SPAG6: variants seen among roughly 807,000 people sequenced by gnomAD.
The protein encoded by SPAG6 is sperm-associated antigen 6.
SPAG6 carries 49 observed loss-of-function variants against 58.5 expected under a neutral mutation model. That is an observed-to-expected ratio of 0.84 (90% confidence interval 0.67 to 1.06). SPAG6 has a LOEUF of 1.06. Ranked by LOEUF, SPAG6 falls within the 50% of genes least tolerant of loss-of-function variation. The pLI is 0.00. For missense variants in SPAG6, 560 were observed against 611.3 expected, an observed-to-expected ratio of 0.92 and a Z score of 0.89; for synonymous variants, 233 against 225.6, an observed-to-expected ratio of 1.03 and a Z score of -0.29.
At chr10:22,346,033 T>C in intron 2 of SPAG6, 2 of 1,542,034 alleles carry the variant, frequency 1.3e-6, no homozygotes, top group Non-Finnish European at 1.8e-6. Context: ...TGTTTCCATC[T>C]TCATTGCACA....
At chr10:22,377,556 A>C (rs1017504374) in intron 4 of SPAG6, among the ~76,000 whole-genome samples, 1 of 152,240 alleles carries the variant, frequency 6.6e-6, no homozygotes, top group African/African-American at 2.4e-5. Flanking sequence ...TGGTTAAGTA[A>C]ATGATGGCAT....
intron 3 of SPAG6, among the ~76,000 whole-genome samples, chr10:22,365,399 C>T (rs1837167952): frequency 6.6e-6 from 1 of 152,132 alleles, no homozygotes; most frequent in Admixed American, 6.6e-5. Flanking sequence ...TAGTGAGAGA[C>T]AGCCTTGAGG....
At chr10:22,348,738 G>A (rs1395216896) in intron 2 of SPAG6, among the ~76,000 whole-genome samples, 2 of 152,264 alleles carry the variant, frequency 1.3e-5, no homozygotes, top group East Asian at 1.9e-4. Context: ...AAGAGAATTT[G>A]CTTTATTAAA....
chr10:22,358,572 G>A (rs1421151061), intron 2 of SPAG6, among the ~76,000 whole-genome samples: 1 of 151,964 alleles, frequency 6.6e-6, no homozygotes, highest in African/African-American at 2.4e-5. Context: ...CTGTGCAGAA[G>A]CTCTTTAGTT....
chr10:22,376,940 G>A (rs1833830159), intron 4 of SPAG6, among the ~76,000 whole-genome samples: 1 of 151,858 alleles, frequency 6.6e-6, no homozygotes, highest in Non-Finnish European at 1.5e-5. Flanking sequence ...AATTAGCTGA[G>A]TATAGTGGTG....
At chr10:22,390,330 A>C (rs942827157) in intron 7 of SPAG6, among the ~76,000 whole-genome samples, 31 of 152,172 alleles carry the variant, frequency 2.0e-4, no homozygotes, top group Non-Finnish European at 4.6e-4. Context: ...TGATGAAAGA[A>C]GAAGCAATTG....
At chr10:22,365,534 GT>G (rs898248227) in intron 3 of SPAG6, among the ~76,000 whole-genome samples, 30 of 152,194 alleles carry the variant, frequency 2.0e-4, no homozygotes, top group African/African-American at 6.3e-4. Context: ...AAATTGCCCT[GT>G]TTTTTTCCCC....
At chr10:22,363,416 G>A (rs1039257968) in intron 2 of SPAG6, among the ~76,000 whole-genome samples, 1 of 152,158 alleles carries the variant, frequency 6.6e-6, no homozygotes, top group South Asian at 2.1e-4. Flanking sequence ...TGTTGAACAT[G>A]AGCTATGACC....
At chr10:22,374,048 C>T (rs1044801733) in intron 4 of SPAG6, among the ~76,000 whole-genome samples, 1 of 151,988 alleles carries the variant, frequency 6.6e-6, no homozygotes, top group African/African-American at 2.4e-5. Flanking sequence ...TGTTGTGATT[C>T]TTTTGTGTTT....
Position 22,391,773 on chromosome 10 carries a change from T to A in SPAG6, c.1050T>A (p.Asp350Glu), listed in dbSNP as rs771166044. ...LSVCLSEEPE[D>E]HIKAAAAWAL... ...TCTGCTTGTCAGAAGAACCGGAAGA[T>A]CATATTAAGGCTGCAGCTGCTTGGG... The change falls in exon 8 of 11, where the codon GAT becomes GAA. Residue 350 changes from aspartate to glutamate, a missense_variant. Coordinates refer to ENST00000376624, the MANE Select transcript of SPAG6 (RefSeq NM_012443.4). 6.2e-7 allele frequency: 1 copy of A among 1,613,492 alleles called. No individual in the cohort carries two copies. Among genetic ancestry groups the A allele is most frequent in the Non-Finnish European group, 8.5e-7 (1 of 1,179,722 alleles).
chr10:22,354,804 G>T (rs576812408), intron 2 of SPAG6, among the ~76,000 whole-genome samples: 1 of 152,216 alleles, frequency 6.6e-6, no homozygotes, highest in South Asian at 2.1e-4. Context: ...GAAGTTAGGA[G>T]TTCGAGACCA....
At chr10:22,363,687 C>A (rs897126612) in intron 2 of SPAG6, among the ~76,000 whole-genome samples, 2 of 152,144 alleles carry the variant, frequency 1.3e-5, no homozygotes, top group African/African-American at 4.8e-5. Flanking sequence ...GGCTTCTCGA[C>A]CTTTGGCTAA....
chr10:22,345,870 G>C lies in SPAG6; in HGVS notation c.121+52G>C. ...GCCCCCCGCGCACTGAGTCCCCGAC[G>C]CCTCCGCCCCGCTGCCCTGCCCGTG... On this transcript the variant is annotated intron_variant, in intron 2 of 10. Coordinates refer to ENST00000376624, the MANE Select transcript of SPAG6 (RefSeq NM_012443.4). The surrounding 1 kb of genome is among the most constrained non-coding windows in gnomAD (Gnocchi z 6.3). 1 of 1,585,738 alleles carries C rather than the reference G, an allele frequency of 6.3e-7. No homozygotes were observed. Among genetic ancestry groups the C allele is most frequent in the South Asian group, 1.1e-5 (1 of 87,668 alleles).
chr10:22,391,678 T>G (rs1834186516), intron 7 of SPAG6, 51 bp from the exon 8 acceptor site: 1 of 1,549,722 alleles, frequency 6.5e-7, no homozygotes, highest in Non-Finnish European at 8.8e-7. Flanking sequence ...TGGAAGACTC[T>G]TTAATCCTGC....
intron 9 of SPAG6, among the ~76,000 whole-genome samples, chr10:22,403,846 A>T (rs1257859072): frequency 6.7e-6 from 1 of 148,852 alleles, no homozygotes; most frequent in Admixed American, 6.6e-5. Flanking sequence ...GTGAGATGGT[A>T]TCTCATTGTG....
At chr10:22,346,430 G>GTTCTTCCTCTTCTTCTTCTTCTTCTTC (rs1463625993) in intron 2 of SPAG6, among the ~76,000 whole-genome samples, 8 of 95,920 alleles carry the variant, frequency 8.3e-5, no homozygotes, top group Non-Finnish European at 1.3e-4. Context: ...AGAGAAAATG[G>GTTCTTCCTCTTCTTCTTCTTCTTCTTC]TTCTTCTTCT....
rs745646218 is a variant in SPAG6 at position 22,386,941 on chromosome 10, C to T, written c.660C>T (p.Asn220=). 2.5e-6 allele frequency: 4 copies of T among 1,613,088 alleles called. No individual in the cohort carries two copies. Among genetic ancestry groups the T allele is most frequent in the Non-Finnish European group, 3.4e-6 (4 of 1,179,326 alleles). Residue 220 remains asparagine (N), a synonymous_variant, in exon 5 of 11, where the codon AAC becomes AAT. Transcript: ENST00000376624. ...AVAHLAQMIL[N]PDAKLKHQIL... ...CTCATTTAGCCCAGATGATCCTGAACCCTGATGCTAAATTGAAGGTATTTC... is the reference window on the plus strand; with the variant it reads ...CTCATTTAGCCCAGATGATCCTGAATCCTGATGCTAAATTGAAGGTATTTC...
rs147744571 is a variant in SPAG6, at chr10:22,399,052, C to A, written c.1198-2109C>A. Among the ~76,000 whole-genome samples, 364 of 152,268 alleles carry A rather than the reference C, an allele frequency of 2.4e-3. 1 individual carries two copies. The highest frequency in any genetic ancestry group is 8.6e-3 in the African/African-American group (357 of 41,566). ...TAGGCTGGTCTCGAACTCCTGACCT[C>A]AGGTGATCCATCTCCCTTGGCCTCC... is the stretch of plus-strand genomic sequence containing the variant. On this transcript the variant is annotated intron_variant, in intron 8 of 10. Coordinates refer to ENST00000376624, the MANE Select transcript of SPAG6 (RefSeq NM_012443.4).
At chr10:22,356,399 T>G (rs1032388117) in intron 2 of SPAG6, among the ~76,000 whole-genome samples, 5 of 152,244 alleles carry the variant, frequency 3.3e-5, no homozygotes, top group African/African-American at 1.2e-4. Context: ...CTGGAATTAT[T>G]CAAAGTTTTC....
Sources: allele counts gnomAD v4.1 joint callset (sites outside exome capture counted in the v4.1 genomes callset), GRCh38; gene constraint gnomAD v4.1.1; non-coding constraint Gnocchi (gnomAD v3.1); transcripts MANE v1.5; gene names NCBI Gene and HGNC (gene_info 2026-07-23, HGNC 2026-07-21).